The following TBXAS1 variants were observed in gnomAD, a reference collection of about 807,000 sequenced individuals.
The protein encoded by TBXAS1 is thromboxane A synthase 1.
Under a neutral mutation model 60.7 loss-of-function variants are expected in TBXAS1, and 48 were observed. The observed-to-expected ratio is 0.79, with a 90% confidence interval of 0.63 to 1.01. TBXAS1 has a LOEUF of 1.01. TBXAS1 is among the 50% of genes least tolerant of loss of function. TBXAS1 has a pLI of 0.00. For missense variants in TBXAS1, 685 were observed against 686.3 expected (o/e 1.00, Z 0.02); for synonymous variants, 287 against 269.7 (o/e 1.06, Z -0.63).
intron 1 of TBXAS1, among the ~76,000 whole-genome samples, chr7:139,840,962 C>T (rs918110300): frequency 3.9e-5 from 6 of 152,224 alleles, no homozygotes; most frequent in Non-Finnish European, 8.8e-5. Flanking sequence ...TCCGTGACTT[C>T]TATGCCCACT....
chr7:139,937,870 C>G (rs1262657151), intron 5 of TBXAS1, among the ~76,000 whole-genome samples: 1 of 144,704 alleles, frequency 6.9e-6, no homozygotes, highest in African/African-American at 2.6e-5. Context: ...GTGCCAGGGG[C>G]TGTCTGGAGG....
intron 4 of TBXAS1, among the ~76,000 whole-genome samples, chr7:139,820,516 G>A (rs1030109008): frequency 1.3e-5 from 2 of 152,104 alleles, no homozygotes; most frequent in South Asian, 2.1e-4. Flanking sequence ...ATGTTGACAC[G>A]CCAATGTTGG....
At chr7:139,870,175 G>A (rs2116796286) in intron 1 of TBXAS1, among the ~76,000 whole-genome samples, 1 of 152,326 alleles carries the variant, frequency 6.6e-6, no homozygotes, top group Non-Finnish European at 1.5e-5. Context: ...GTTTGAAAAT[G>A]TCTGAATTTT....
chr7:139,978,573 G>A (rs113183060), intron 9 of TBXAS1, among the ~76,000 whole-genome samples: 19 of 151,820 alleles, frequency 1.3e-4, no homozygotes, highest in African/African-American at 3.4e-4. Flanking sequence ...CATTGAACAC[G>A]CGCTCTGTTC....
At chr7:139,940,222 G>A (rs889935875) in intron 5 of TBXAS1, among the ~76,000 whole-genome samples, 1 of 152,096 alleles carries the variant, frequency 6.6e-6, no homozygotes, top group Admixed American at 6.5e-5. Context: ...GAAATGACAG[G>A]GGGGCTGCTT....
chr7:139,985,958 A>T (rs909582654), intron 9 of TBXAS1, among the ~76,000 whole-genome samples: 12 of 152,246 alleles, frequency 7.9e-5, no homozygotes, highest in Admixed American at 3.3e-4. Flanking sequence ...ACATGGCCCC[A>T]TGGCAGGGCC....
intron 1 of TBXAS1, among the ~76,000 whole-genome samples, chr7:139,868,322 A>G (rs1484586257): frequency 6.6e-6 from 1 of 152,264 alleles, no homozygotes; most frequent in South Asian, 2.1e-4. Context: ...TACAATGACA[A>G]TTTTTAAAGT....
intron 4 of TBXAS1, among the ~76,000 whole-genome samples, chr7:139,911,767 G>A (rs899766855): frequency 4.6e-5 from 7 of 152,206 alleles, no homozygotes; most frequent in African/African-American, 1.4e-4. Context: ...AGCAAAATTA[G>A]GAGAGAAATT....
At chr7:139,908,681 G>A (rs1805293134) in intron 3 of TBXAS1, among the ~76,000 whole-genome samples, 1 of 152,050 alleles carries the variant, frequency 6.6e-6, no homozygotes, top group Admixed American at 6.5e-5. Flanking sequence ...TCATATGGTG[G>A]TGAAATTTTT....
chr7:139,878,064 A>C (rs915864058), intron 3 of TBXAS1, among the ~76,000 whole-genome samples: 2 of 151,862 alleles, frequency 1.3e-5, no homozygotes, highest in African/African-American at 4.8e-5. Context: ...GTAAATGCCA[A>C]ATTAAGAGTT....
At chr7:140,010,210 C>T (rs957033611) in intron 10 of TBXAS1, among the ~76,000 whole-genome samples, 1 of 152,098 alleles carries the variant, frequency 6.6e-6, no homozygotes, top group Admixed American at 6.6e-5. Flanking sequence ...CAATTCTCAC[C>T]CAGACCAGAG....
At chr7:139,945,941 C>A (rs78906033) in intron 5 of TBXAS1, among the ~76,000 whole-genome samples, 1 of 152,172 alleles carries the variant, frequency 6.6e-6, no homozygotes, top group Non-Finnish European at 1.5e-5. Flanking sequence ...GGATTCAATT[C>A]GTAATGGACT....
At chr7:139,817,613 C>G (rs1442621048) in intron 4 of TBXAS1, among the ~76,000 whole-genome samples, 3 of 152,142 alleles carry the variant, frequency 2.0e-5, no homozygotes, top group Non-Finnish European at 2.9e-5. Context: ...TTCAAGTGCT[C>G]AGGGGTGGGA....
At position 139,979,190 on chromosome 7, in the gene TBXAS1, G is replaced by A. The variant is rs183806665; in HGVS notation, c.1134+16957G>A. Among the ~76,000 whole-genome samples the A allele has an allele frequency of 8.6e-4, 131 of 152,188 alleles. No homozygotes were observed. The Middle Eastern group carries it at 0.01, about 12-fold the overall frequency. On this transcript the variant is annotated intron_variant, in intron 9 of 12. Coordinates refer to ENST00000448866, the MANE Select transcript of TBXAS1 (RefSeq NM_001061.7). ...GGAATTCTGTTTTCTTACCACCACC[G>A]GAGCCAGGTCTCTGTCACGGTGATG...
chr7:139,950,681 C>T (rs866467646), intron 5 of TBXAS1, among the ~76,000 whole-genome samples: 229 of 122,824 alleles, frequency 1.9e-3, no homozygotes, highest in South Asian at 4.3e-3. Flanking sequence ...ATCTACGGGA[C>T]CCCCTCGCCC....
chr7:139,952,819 A>C, intron 5 of TBXAS1: 1 of 935,552 alleles, frequency 1.1e-6, no homozygotes, highest in African/African-American at 1.7e-5. Context: ...TAGCGGCTTA[A>C]GCACAAAAGA....
intron 4 of TBXAS1, among the ~76,000 whole-genome samples, chr7:139,925,258 T>C (rs555417578): frequency 1.3e-5 from 2 of 152,384 alleles, no homozygotes; most frequent in Admixed American, 1.3e-4. Context: ...TTTAACAATA[T>C]TGATTCTTCC....
intron 1 of TBXAS1, among the ~76,000 whole-genome samples, chr7:139,838,730 C>T (rs182244794): frequency 5.4e-4 from 82 of 152,248 alleles, no homozygotes; most frequent in Admixed American, 1.1e-3. Flanking sequence ...CCCGAAACCG[C>T]GTTGGACACC....
At chr7:139,840,515 A>G (rs1356542068) in intron 1 of TBXAS1, among the ~76,000 whole-genome samples, 2 of 152,190 alleles carry the variant, frequency 1.3e-5, no homozygotes, top group African/African-American at 4.8e-5. Context: ...GTGTTTTCGC[A>G]GCGTCTTTGC....
Sources: gnomAD v4.1 joint callset for allele counts (sites outside exome capture counted in the v4.1 genomes callset) on GRCh38, gnomAD v4.1.1 for gene constraint, MANE v1.5 for transcripts, NCBI Gene and HGNC (gene_info 2026-07-23, HGNC 2026-07-21) for gene names.